Variants in GAP43 observed in about 807,000 individuals in gnomAD.
GAP43 encodes neuromodulin.
A neutral mutation model predicts 18.6 loss-of-function variants in GAP43; 6 were observed. That is an observed-to-expected ratio of 0.32 (90% CI 0.18 to 0.64). GAP43 has a LOEUF of 0.64. Ranked by LOEUF, GAP43 falls within the 30% of genes least tolerant of loss-of-function variation. The pLI, the probability that GAP43 is intolerant of heterozygous loss-of-function variation, is 0.78. For synonymous variants in GAP43, 115 were observed against 111.4 expected (o/e 1.03, Z -0.20); for missense variants, 292 against 295.5 (o/e 0.99, Z 0.09).
chr3:115,676,238 A>C lies in GAP43; in HGVS notation c.256A>C (p.Thr86Pro), dbSNP rs1414200849. 4 of 1,614,110 alleles carry C rather than the reference A, an allele frequency of 2.5e-6. No individual in the cohort carries two copies. The Admixed American group carries it at 5.0e-5, about 20-fold the overall frequency. The change falls in exon 2 of 3, where the codon ACT (threonine) becomes CCT (proline). Residue 86 changes from threonine (T) to proline (P), a missense_variant. By Grantham distance (38) the Thr-to-Pro change is conservative. Transcript: ENST00000305124. ...DGVEKKGEGT[T>P]TAEAAPATGS... ...GGTGGAGAAGAAGGGAGAAGGCACC[A>C]CTACTGCCGAAGCAGCCCCAGCCAC...
intron 2 of GAP43, among the ~76,000 whole-genome samples, chr3:115,703,438 A>T (rs1709321807): frequency 6.6e-6 from 1 of 152,050 alleles, no homozygotes; most frequent in Non-Finnish European, 1.5e-5. Context: ...ATTTCAGCTG[A>T]GTATCTGGAA....
At chr3:115,690,399 T>C (rs1709094166) in intron 2 of GAP43, among the ~76,000 whole-genome samples, 1 of 152,156 alleles carries the variant, frequency 6.6e-6, no homozygotes, top group Non-Finnish European at 1.5e-5. Context: ...AAGTTTCAGA[T>C]TACAAGGCAT....
At chr3:115,630,164 G>A (rs983832458) in intron 1 of GAP43, among the ~76,000 whole-genome samples, 51 of 152,242 alleles carry the variant, frequency 3.3e-4, no homozygotes, top group South Asian at 2.3e-3. Context: ...CTTACAAATA[G>A]ACCGTAAATC....
At chr3:115,670,718 G>A (rs1046458873) in intron 1 of GAP43, among the ~76,000 whole-genome samples, 12 of 152,066 alleles carry the variant, frequency 7.9e-5, no homozygotes, top group African/African-American at 2.4e-4. Flanking sequence ...GCCATAAGTA[G>A]GTACTTCCCA....
intron 1 of GAP43, among the ~76,000 whole-genome samples, chr3:115,646,233 G>C (rs970765295): frequency 1.3e-5 from 2 of 152,078 alleles, no homozygotes; most frequent in African/African-American, 4.8e-5. Flanking sequence ...GACCTATAAA[G>C]ATTTTTTTTT....
rs201586033 is a variant in GAP43, at chr3:115,676,583, G to A, written c.601G>A (p.Glu201Lys). 5.0e-6 allele frequency: 8 copies of A among 1,607,620 alleles called. No homozygotes were observed. Among genetic ancestry groups the A allele is most frequent in the Non-Finnish European group, 6.8e-6 (8 of 1,178,330 alleles). ...AGCCCAGCCTCCAACGGAGACTGGG[G>A]AGAGCAGCCAAGCTGAAGAGAACAT... ...ATAQPPTETGESSQAEENIEA... is the reference protein window; with the variant it reads ...ATAQPPTETGKSSQAEENIEA... The change falls in exon 2 of 3, where the codon GAG becomes AAG. Residue 201 changes from glutamate (E) to lysine (K), a missense_variant. Coordinates refer to ENST00000305124, the MANE Select transcript of GAP43 (RefSeq NM_002045.4).
intron 1 of GAP43, among the ~76,000 whole-genome samples, chr3:115,661,582 G>A (rs896082388): frequency 2.6e-5 from 4 of 152,054 alleles, no homozygotes; most frequent in Admixed American, 2.6e-4. Context: ...TCTGCCTCCC[G>A]GGTTCACGCC....
At position 115,676,487 on chromosome 3, in the gene GAP43, G is replaced by C. The variant is rs745746040; in HGVS notation, c.505G>C (p.Asp169His). The C allele has an allele frequency of 6.2e-7, 1 of 1,614,062 alleles. No homozygotes were observed. The highest frequency in any genetic ancestry group is 8.5e-7 in the Non-Finnish European group (1 of 1,180,024). ...AGCCAAGGAGGAGCCTAAACAAGCC[G>C]ATGTGCCTGCTGCTGTCACTGCTGC... Reference protein sequence around the residue: ...APAKEEPKQADVPAAVTAAAA... With the variant: ...APAKEEPKQAHVPAAVTAAAA... Residue 169 changes from aspartate (D) to histidine (H), a missense_variant, in exon 2 of 3, where the codon GAT becomes CAT. Transcript: ENST00000305124.
intron 2 of GAP43, among the ~76,000 whole-genome samples, chr3:115,683,135 G>GCA (rs1559800357): frequency 2.7e-4 from 13 of 47,490 alleles, no homozygotes; most frequent in African/African-American, 4.7e-4. Context: ...GCGCGCGCGT[G>GCA]CGCGCGCGCG....
intron 1 of GAP43, among the ~76,000 whole-genome samples, chr3:115,626,557 C>T (rs1286618760): frequency 6.6e-6 from 1 of 152,020 alleles, no homozygotes; most frequent in Non-Finnish European, 1.5e-5. Context: ...ATTGTATTGC[C>T]TTATGATTTT....
chr3:115,669,392 A>C (rs1708780817), intron 1 of GAP43, among the ~76,000 whole-genome samples: 1 of 152,204 alleles, frequency 6.6e-6, no homozygotes, highest in Non-Finnish European at 1.5e-5. Context: ...TTTCTGAAAT[A>C]GCACTAATGG....
At chr3:115,668,373 A>C (rs1041008971) in intron 1 of GAP43, among the ~76,000 whole-genome samples, 3 of 152,110 alleles carry the variant, frequency 2.0e-5, no homozygotes, top group Non-Finnish European at 4.4e-5. Flanking sequence ...GATTAAATAT[A>C]AATAGTAGGG....
chr3:115,685,844 G>A (rs1399229673), intron 2 of GAP43, among the ~76,000 whole-genome samples: 1 of 152,116 alleles, frequency 6.6e-6, no homozygotes, highest in African/African-American at 2.4e-5. Flanking sequence ...CTTTGATATT[G>A]GTGGTTTAAT....
intron 1 of GAP43, among the ~76,000 whole-genome samples, chr3:115,661,746 C>T (rs1398074186): frequency 1.3e-5 from 2 of 150,766 alleles, no homozygotes; most frequent in African/African-American, 4.9e-5. Flanking sequence ...CCTCGGCCTC[C>T]CAAAGTGCTG....
chr3:115,677,306 CATAA>C (rs1474724399), intron 2 of GAP43, among the ~76,000 whole-genome samples: 8 of 152,064 alleles, frequency 5.3e-5, no homozygotes, highest in Non-Finnish European at 5.9e-5. Context: ...TGAAGTCAAA[CATAA>C]ATAATCATTT....
chr3:115,650,500 C>G (rs1352472772), intron 1 of GAP43, among the ~76,000 whole-genome samples: 3 of 152,028 alleles, frequency 2.0e-5, no homozygotes, highest in African/African-American at 7.2e-5. Flanking sequence ...AGCCCCCTTT[C>G]TTTTCTCTTT....
At chr3:115,661,804 C>T (rs1708662713) in intron 1 of GAP43, among the ~76,000 whole-genome samples, 2 of 125,624 alleles carry the variant, frequency 1.6e-5, no homozygotes, top group African/African-American at 6.2e-5. Flanking sequence ...CTTTGAATCG[C>T]AAGTTTGGCT....
intron 2 of GAP43, among the ~76,000 whole-genome samples, chr3:115,690,757 C>CTTT (rs71616327): frequency 3.0e-4 from 33 of 110,942 alleles, no homozygotes; most frequent in South Asian, 3.0e-4. Flanking sequence ...TTCTTTCTTT[C>CTTT]TTTTTTTTTT....
In GAP43 at chr3:115,682,748, G is replaced by T. The variant is rs372043187; in HGVS notation, c.628+6138G>T. 4.6e-5 allele frequency among the ~76,000 whole-genome samples: 7 copies of T among 152,220 alleles called. 1 individual carries two copies. Among genetic ancestry groups the T allele is most frequent in the African/African-American group, 1.7e-4 (7 of 41,510 alleles). Reference sequence around the variant, plus strand: ...GACGGGATTTTACCATGTTGGTCAGGCTGGTCTCAAACTCCTGACCTCAGG... The same window carrying T: ...GACGGGATTTTACCATGTTGGTCAGTCTGGTCTCAAACTCCTGACCTCAGG... On this transcript the variant is annotated intron_variant, in intron 2 of 2. Transcript: ENST00000305124.
Sources: allele counts gnomAD v4.1 joint callset (sites outside exome capture counted in the v4.1 genomes callset), GRCh38; gene constraint gnomAD v4.1.1; transcripts MANE v1.5; gene names NCBI Gene and HGNC (gene_info 2026-07-23, HGNC 2026-07-21).